The following ACIN1 variants were observed in gnomAD, a reference collection of about 807,000 sequenced individuals.
The protein encoded by ACIN1 is apoptotic chromatin condensation inducer in the nucleus.
In ACIN1, 16 loss-of-function variants were observed where a neutral mutation model predicts 146.6. The ratio of observed to expected loss-of-function variants is 0.11; its 90% CI spans 0.07 to 0.17. The LOEUF (loss-of-function observed/expected upper bound fraction) is 0.17. Ranked by LOEUF, ACIN1 falls within the 10% of genes least tolerant of loss-of-function variation. ACIN1 has a pLI of 1.00. For synonymous variants in ACIN1, 569 were observed against 582.7 expected (o/e 0.98, Z 0.34); for missense variants, 1,357 against 1,609.3 (o/e 0.84, Z 2.68).
At chr14:23,089,923 C>CG in intron 4 of ACIN1, 59 bp downstream of exon 4, 1 of 1,477,958 alleles carries the variant, frequency 6.8e-7, no homozygotes, top group Non-Finnish European at 9.1e-7. Context: ...GTGTAACTAC[C>CG]TCCCCCCACC....
intron 1 of ACIN1, 79 bp from the exon 2 acceptor site, chr14:23,093,623 A>T (rs2273395): frequency 0.26 from 312,739 of 1,200,934 alleles, 42,674 homozygotes; most frequent in South Asian, 0.41. Flanking sequence ...CACAACCTCT[A>T]AATTAAACGC....
chr14:23,071,497 C>A, intron 8 of ACIN1: 1 of 1,551,654 alleles, frequency 6.4e-7, no homozygotes, highest in Non-Finnish European at 8.7e-7. Context: ...CTGGTAGTGG[C>A]TGGCTCTATT....
chr14:23,086,260 T>G (rs1222597324), intron 4 of ACIN1, among the ~76,000 whole-genome samples: 1 of 152,242 alleles, frequency 6.6e-6, no homozygotes, highest in Non-Finnish European at 1.5e-5. Context: ...ATGAGGGGCA[T>G]ACTCTATAAG....
chr14:23,064,021 A>C (rs1158470159), intron 12 of ACIN1, 84 bp downstream of exon 12: 1 of 1,565,750 alleles, frequency 6.4e-7, no homozygotes, highest in African/African-American at 1.3e-5. Context: ...GTTCCCTCCA[A>C]AGACTTTATC....
chr14:23,094,797 G>A, intron 1 of ACIN1, 178 bp downstream of exon 1: 1 of 976,884 alleles, frequency 1.0e-6, no homozygotes, highest in Non-Finnish European at 1.5e-6. Flanking sequence ...GGCGGGAACC[G>A]GCGCGATCTC....
intron 8 of ACIN1, chr14:23,071,208 A>G: frequency 6.6e-7 from 1 of 1,519,780 alleles, no homozygotes; most frequent in Non-Finnish European, 8.8e-7. Flanking sequence ...GAAATAACAA[A>G]AACCAAACAA....
intron 1 of ACIN1, chr14:23,094,639 G>A (rs374854384): frequency 8.2e-6 from 7 of 852,188 alleles, no homozygotes; most frequent in East Asian, 9.1e-5. Context: ...AACGCCGTAG[G>A]TTGTAGTGGG....
chr14:23,063,085 GACC>G lies in ACIN1; in HGVS notation c.2738-14_2738-12del. The G allele has an allele frequency of 6.3e-7, 1 of 1,597,570 alleles. No homozygotes were observed. The highest frequency in any genetic ancestry group is 8.5e-7 in the Non-Finnish European group (1 of 1,173,190). On this transcript the variant is annotated splice_polypyrimidine_tract_variant and intron_variant, in intron 13 of 18. Coordinates refer to ENST00000605057, the MANE Select transcript of ACIN1 (RefSeq NM_001386863.1). ...TATCTCCTAAAGTCACTATCAAGAA[GACC>G]ACAAGAACAGCTTTTGGTAGGAAGC... is the stretch of plus-strand genomic sequence containing the variant.
At position 23,069,627 on chromosome 14, in the gene ACIN1, G is replaced by C. The variant is rs762640235; in HGVS notation, c.2124-10C>G. 44 of 1,598,794 alleles carry C rather than the reference G, an allele frequency of 2.8e-5. No homozygotes were observed. Among genetic ancestry groups the C allele is most frequent in the East Asian group, 6.8e-5 (3 of 44,292 alleles). On this transcript the variant is annotated splice_polypyrimidine_tract_variant and intron_variant, in intron 8 of 18. Transcript: ENST00000605057. Reference sequence around the variant, plus strand: ...TTCCTCCTTCTCCTCACTGACAGGAGGGGGGAGTGGTGGTGGGGGGGCGGG... The same window carrying C: ...TTCCTCCTTCTCCTCACTGACAGGACGGGGGAGTGGTGGTGGGGGGGCGGG...
chr14:23,080,353 A>T lies in ACIN1; in HGVS notation c.982T>A (p.Ser328Thr). 3 of 1,614,048 alleles carry T rather than the reference A, an allele frequency of 1.9e-6. No homozygotes were observed. The highest frequency in any genetic ancestry group is 2.5e-6 in the Non-Finnish European group (3 of 1,180,006). The change falls in exon 6 of 19, where the codon TCT becomes ACT. Residue 328 changes from serine (S) to threonine (T), a missense_variant. Ser to Thr is a moderately conservative substitution (Grantham distance 58, BLOSUM62 1). This residue lies in a region of ACIN1 where 771 missense variants were observed against 746.6 expected (regional missense o/e 1.03). Transcript: ENST00000605057. ...SSQGLKEKSK[S>T]PSPPRLTEDR... The stretch of plus-strand genomic sequence containing the variant: ...TCAGTCAGTCGAGGAGGGGAAGGAG[A>T]CTTCGATTTTTCCTTTAAGCCTTGT...
chr14:23,093,096 T>C (rs945602974), intron 2 of ACIN1, among the ~76,000 whole-genome samples: 1 of 152,156 alleles, frequency 6.6e-6, no homozygotes, highest in Non-Finnish European at 1.5e-5. Flanking sequence ...GAGTTCTTAA[T>C]CAGCAACTAT....
rs2273396 is a variant in ACIN1 at position 23,093,620 on chromosome 14, T to C, written c.139-76A>G. ...ACAAACCCCCACCTCTACCACAACC[T>C]CTAAATTAAACGCAATGACTTAAAT... On this transcript the variant is annotated intron_variant, in intron 1 of 18. Coordinates refer to ENST00000605057, the MANE Select transcript of ACIN1 (RefSeq NM_001386863.1). 2.5e-4 allele frequency: 317 copies of C among 1,258,000 alleles called. 4 individuals are homozygous for C. The East Asian group carries it at 7.4e-3, about 29-fold the overall frequency. 77.9% of individuals were successfully genotyped at this position (1,258,000 alleles called of 1,614,324 possible).
chr14:23,063,096 C>T (rs750636872), intron 13 of ACIN1, 22 bp from the exon 14 acceptor site: 10 of 1,587,752 alleles, frequency 6.3e-6, no homozygotes, highest in Non-Finnish European at 8.6e-6. Flanking sequence ...ACCACAAGAA[C>T]AGCTTTTGGT....
At chr14:23,087,594 T>C (rs1055719297) in intron 4 of ACIN1, among the ~76,000 whole-genome samples, 4 of 152,028 alleles carry the variant, frequency 2.6e-5, no homozygotes, top group African/African-American at 9.7e-5. Context: ...TCATTTCTCA[T>C]TTTCATTTCG....
chr14:23,062,035 G>A, intron 16 of ACIN1, 133 bp downstream of exon 16: 3 of 708,694 alleles, frequency 4.2e-6, no homozygotes, highest in Admixed American at 2.9e-5. Context: ...TACAATTAAA[G>A]GAACCAAAGC....
At chr14:23,089,861 C>G in intron 4 of ACIN1, 121 bp downstream of exon 4, 1 of 1,294,046 alleles carries the variant, frequency 7.7e-7, no homozygotes, top group Non-Finnish European at 1.0e-6. Context: ...TGTCAAATAT[C>G]AATGTCACAG....
intron 4 of ACIN1, among the ~76,000 whole-genome samples, chr14:23,089,495 A>C (rs933357506): frequency 6.6e-6 from 1 of 152,242 alleles, no homozygotes; most frequent in Non-Finnish European, 1.5e-5. Flanking sequence ...AACAACTGTA[A>C]CTAATGTCCA....
intron 3 of ACIN1, 69 bp from the exon 4 acceptor site, chr14:23,090,170 A>G: frequency 4.5e-6 from 7 of 1,555,022 alleles, no homozygotes; most frequent in Non-Finnish European, 5.2e-6. Flanking sequence ...TATGTAGAGG[A>G]GTGAAGGAGG....
rs1198390322 is a variant in ACIN1, at chr14:23,069,540, A to G, written c.2201T>C (p.Ile734Thr). The change falls in exon 9 of 19, where the codon ATT becomes ACT. Residue 734 changes from isoleucine to threonine, a missense_variant. Around this residue, in one of 4 missense-constraint regions of ACIN1, gnomAD observed 771 missense variants for 746.6 expected, o/e 1.03. Coordinates refer to ENST00000605057, the MANE Select transcript of ACIN1 (RefSeq NM_001386863.1). The part of the protein sequence containing the change: ...ENDVPEPPMP[I>T]ADQVSNDDRP... Reference sequence around the variant, plus strand: ...GTCATCATTGCTGACTTGGTCTGCAATAGGCATGGGAGGTTCTGGAACATC... The same window carrying G: ...GTCATCATTGCTGACTTGGTCTGCAGTAGGCATGGGAGGTTCTGGAACATC... The G allele has an allele frequency of 1.2e-6, 2 of 1,601,300 alleles. No homozygotes were observed. The highest frequency in any genetic ancestry group is 8.5e-7 in the Non-Finnish European group (1 of 1,171,994).
Sources: allele counts gnomAD v4.1 joint callset (sites outside exome capture counted in the v4.1 genomes callset), GRCh38; gene constraint gnomAD v4.1.1; regional missense constraint gnomAD v4.1.1; transcripts MANE v1.5; gene names NCBI Gene and HGNC (gene_info 2026-07-23, HGNC 2026-07-21).